Variants in EXOC6 observed in about 807,000 individuals in gnomAD.
The protein encoded by EXOC6 is exocyst complex component 6.
A neutral mutation model predicts 112.5 loss-of-function variants in EXOC6; 60 were observed. That is an observed-to-expected ratio of 0.53 (90% confidence interval 0.43 to 0.66). The LOEUF (loss-of-function observed/expected upper bound fraction) is 0.66, where lower values mean the gene tolerates loss of function less well. Among genes scored for constraint, EXOC6 ranks in the 30% least tolerant of loss-of-function variants. The probability of loss-of-function intolerance (pLI) is 0.00; values close to 1 mark genes in which losing one functional copy is unlikely to be tolerated. For missense variants in EXOC6, 855 were observed against 957.1 expected (o/e 0.89, Z 1.41); for synonymous variants, 295 against 308.0 (o/e 0.96, Z 0.44).
At position 93,021,313 on chromosome 10, in the gene EXOC6, C is replaced by CTAAAA. The variant is rs1381710227; in HGVS notation, c.2169+7047_2169+7051dup. Among the ~76,000 whole-genome samples the CTAAAA allele has an allele frequency of 2.0e-5, 3 of 151,802 alleles. No individual in the cohort carries two copies. In the East Asian group the frequency reaches 5.8e-4, roughly 29 times the overall value. On this transcript the variant is annotated intron_variant, in intron 20 of 21. Coordinates refer to ENST00000260762, the MANE Select transcript of EXOC6 (RefSeq NM_019053.6). The stretch of plus-strand genomic sequence containing the variant: ...TGGGCAACATAGCAAGACCCTACCT[C>CTAAAA]TAAAACAAAACAAAACAAACCAAAC...
intron 17 of EXOC6, among the ~76,000 whole-genome samples, chr10:92,957,162 C>A (rs1459167666): frequency 1.3e-5 from 2 of 152,202 alleles, no homozygotes; most frequent in East Asian, 3.9e-4. Flanking sequence ...TTACATAATG[C>A]CTCTACTTTC....
At chr10:92,867,740 A>G (rs946593627) in intron 1 of EXOC6, among the ~76,000 whole-genome samples, 1 of 152,220 alleles carries the variant, frequency 6.6e-6, no homozygotes, top group African/African-American at 2.4e-5. Flanking sequence ...GCAAAAAACA[A>G]TATAGGATTT....
intron 20 of EXOC6, among the ~76,000 whole-genome samples, chr10:93,017,282 G>A (rs910527806): frequency 6.6e-6 from 1 of 151,650 alleles, no homozygotes; most frequent in Non-Finnish European, 1.5e-5. Flanking sequence ...TGGGAGAAGG[G>A]ATGAGAGATA....
At chr10:92,847,835 CTTT>C (rs3078184), upstream of EXOC6, among the ~76,000 whole-genome samples, 2,734 of 93,636 alleles carry the variant, frequency 0.029, 57 homozygotes, top group African/African-American at 0.074. Context: ...CGCCCTGGGC[CTTT>C]TTTTTTTTTT....
intron 1 of EXOC6, among the ~76,000 whole-genome samples, chr10:92,873,240 A>G (rs1848533775): frequency 6.6e-6 from 1 of 152,168 alleles, no homozygotes; most frequent in Non-Finnish European, 1.5e-5. Flanking sequence ...CTGGCTGATT[A>G]TGAATTCAGG....
intron 1 of EXOC6, among the ~76,000 whole-genome samples, chr10:92,869,575 A>G (rs1212238593): frequency 6.6e-6 from 1 of 152,074 alleles, no homozygotes; most frequent in Non-Finnish European, 1.5e-5. Flanking sequence ...CTCCTAAAGT[A>G]TTGGGATTGT....
chr10:92,999,365 T>A, intron 19 of EXOC6: 1 of 352,414 alleles, frequency 2.8e-6, no homozygotes. Flanking sequence ...GCCTGGCCAT[T>A]TTTATAAGCT....
chr10:92,891,538 G>A (rs1349757332), intron 1 of EXOC6, among the ~76,000 whole-genome samples: 4 of 152,190 alleles, frequency 2.6e-5, no homozygotes, highest in Non-Finnish European at 5.9e-5. Context: ...CTGGGGTGCA[G>A]TAGTATGATC....
chr10:92,973,564 C>G (rs1267007492), intron 17 of EXOC6, among the ~76,000 whole-genome samples: 1 of 152,172 alleles, frequency 6.6e-6, no homozygotes, highest in African/African-American at 2.4e-5. Flanking sequence ...CCTATTGTTT[C>G]TTTCTTCTCA....
intron 20 of EXOC6, among the ~76,000 whole-genome samples, chr10:93,021,837 A>G (rs1341967177): frequency 6.6e-6 from 1 of 152,148 alleles, no homozygotes; most frequent in Non-Finnish European, 1.5e-5. Flanking sequence ...GAAAGTTTGA[A>G]ATTTCTCATG....
intron 21 of EXOC6, among the ~76,000 whole-genome samples, chr10:93,057,911 A>C (rs1846619438): frequency 6.6e-6 from 1 of 152,172 alleles, no homozygotes; most frequent in South Asian, 2.1e-4. Context: ...AGCAGAGTCT[A>C]TACAGGGTAT....
At chr10:92,921,337 T>A (rs1644494796) in intron 8 of EXOC6, among the ~76,000 whole-genome samples, 1 of 147,308 alleles carries the variant, frequency 6.8e-6, no homozygotes. Context: ...CTCCGCCTCC[T>A]GGGTTCAAGT....
At chr10:92,914,019 T>C (rs1049559332) in intron 6 of EXOC6, among the ~76,000 whole-genome samples, 1 of 152,210 alleles carries the variant, frequency 6.6e-6, no homozygotes, top group Non-Finnish European at 1.5e-5. Flanking sequence ...ATTTTAATAT[T>C]GCTCTCTAGG....
chr10:92,868,023 TTTGTC>T (rs1219308923), intron 1 of EXOC6, among the ~76,000 whole-genome samples: 11 of 152,178 alleles, frequency 7.2e-5, no homozygotes, highest in Admixed American at 1.3e-4. Flanking sequence ...ATTTTTTTCA[TTTGTC>T]TTTTTACTGT....
chr10:92,963,532 ATT>A (rs5787026), intron 17 of EXOC6, among the ~76,000 whole-genome samples: 17 of 141,306 alleles, frequency 1.2e-4, no homozygotes, highest in Admixed American at 3.6e-4. Context: ...ATAAAGAGCA[ATT>A]TTTTTTTTTT....
chr10:92,952,656 G>A (rs372164829), intron 15 of EXOC6, among the ~76,000 whole-genome samples: 40 of 152,192 alleles, frequency 2.6e-4, no homozygotes, highest in African/African-American at 8.2e-4. Flanking sequence ...ACATCCATGT[G>A]TACCTAGTGT....
chr10:93,050,897 AAAAC>A (rs1846258477), intron 20 of EXOC6, among the ~76,000 whole-genome samples: 1 of 152,092 alleles, frequency 6.6e-6, no homozygotes, highest in Non-Finnish European at 1.5e-5. Flanking sequence ...GAAAACACAA[AAAAC>A]AAATAAGTAA....
intron 20 of EXOC6, among the ~76,000 whole-genome samples, chr10:93,029,032 T>G (rs1025187041): frequency 1.3e-5 from 2 of 152,122 alleles, no homozygotes; most frequent in African/African-American, 4.8e-5. Flanking sequence ...ATTGTTGTCT[T>G]TTTTTAAGAT....
intron 8 of EXOC6, among the ~76,000 whole-genome samples, chr10:92,921,200 A>G (rs1355089145): frequency 1.3e-5 from 2 of 150,994 alleles, no homozygotes; most frequent in African/African-American, 4.9e-5. Flanking sequence ...CTTGTGCATT[A>G]AATAGATATT....
Sources: gnomAD v4.1 joint callset for allele counts (sites outside exome capture counted in the v4.1 genomes callset) on GRCh38, gnomAD v4.1.1 for gene constraint, MANE v1.5 for transcripts, NCBI Gene and HGNC (gene_info 2026-07-23, HGNC 2026-07-21) for gene names.